TRRAP: variants seen among roughly 807,000 people sequenced by gnomAD.
The protein encoded by TRRAP is transformation/transcription domain associated protein.
In TRRAP, 41 loss-of-function variants were observed where a neutral mutation model predicts 438.8. The ratio of observed to expected loss-of-function variants is 0.09; its 90% CI spans 0.07 to 0.12. The LOEUF (loss-of-function observed/expected upper bound fraction) is 0.12. Among genes scored for constraint, TRRAP ranks in the 10% least tolerant of loss-of-function variants. The pLI, the probability that TRRAP is intolerant of heterozygous loss-of-function variation, is 1.00. For synonymous variants in TRRAP, 1,994 were observed against 1,962.9 expected, an observed-to-expected ratio of 1.02 and a Z score of -0.42; for missense variants, 3,122 against 5,055.1, an observed-to-expected ratio of 0.62 and a Z score of 11.60.
chr7:98,921,418 C>T (rs950585572), intron 20 of TRRAP, among the ~76,000 whole-genome samples: 2 of 152,054 alleles, frequency 1.3e-5, no homozygotes, highest in African/African-American at 2.4e-5. Context: ...CCTTGTCACC[C>T]GGGCTGGAGT....
intron 51 of TRRAP, among the ~76,000 whole-genome samples, chr7:98,969,691 C>T (rs1468900111): frequency 6.7e-6 from 1 of 148,826 alleles, no homozygotes; most frequent in Non-Finnish European, 1.5e-5. Flanking sequence ...CGGAGGGGCT[C>T]GCAACTCACA....
At position 98,895,954 on chromosome 7, in the gene TRRAP, A is replaced by G. The variant is rs7804376; in HGVS notation, c.507+134A>G. 1,699 of 593,974 alleles carry G rather than the reference A, an allele frequency of 2.9e-3. 14 individuals carry two copies. The highest frequency in any genetic ancestry group is 0.026 in the African/African-American group (1,378 of 52,128). 36.8% of individuals were successfully genotyped at this position (593,974 alleles called of 1,614,324 possible). A position where few individuals can be genotyped will look rare whatever the true frequency, so the allele number is the denominator to read the frequency against. ...ATTTTAGAATGGGGAATGTTTAGCA[A>G]TGGTTAAAAACTGGGTTGATAAGTC... On this transcript the variant is annotated intron_variant, in intron 7 of 72. Coordinates refer to ENST00000456197, the MANE Select transcript of TRRAP (RefSeq NM_001375524.1).
At chr7:98,946,202 T>C (rs1554416766) in intron 33 of TRRAP, among the ~76,000 whole-genome samples, 1 of 152,228 alleles carries the variant, frequency 6.6e-6, no homozygotes, top group African/African-American at 2.4e-5. Context: ...GTCTCAATTA[T>C]ATTCAAGATT....
Position 98,940,219 on chromosome 7 carries a change from C to T in TRRAP, c.4404+2399C>T, listed in dbSNP as rs181533565. ...TTTATTTGTTTATGAGACAGAGTCT[C>T]ACTCTGTCACCCAGACTGGAGTACA... On this transcript the variant is annotated intron_variant, in intron 30 of 72. Transcript: ENST00000456197. Among the ~76,000 whole-genome samples, 179 of 151,814 alleles carry T rather than the reference C, an allele frequency of 1.2e-3. 1 individual carries two copies. The highest frequency in any genetic ancestry group is 4.3e-4 in the Non-Finnish European group (29 of 67,948).
At chr7:98,881,792 T>C (rs543561338) in intron 2 of TRRAP, 183 bp from the exon 3 acceptor site, 3 of 582,548 alleles carry the variant, frequency 5.1e-6, no homozygotes, top group Non-Finnish European at 6.0e-6. Context: ...TGCACGTGTA[T>C]GTCTGGGAGT....
intron 23 of TRRAP, among the ~76,000 whole-genome samples, chr7:98,927,771 G>T (rs1435030096): frequency 1.3e-5 from 2 of 151,840 alleles, no homozygotes; most frequent in Admixed American, 1.3e-4. Context: ...CCCATGCCTC[G>T]CAGTCTCCCC....
chr7:98,943,626 T>G (rs1051306322), intron 31 of TRRAP, among the ~76,000 whole-genome samples: 3 of 152,242 alleles, frequency 2.0e-5, no homozygotes, highest in Non-Finnish European at 4.4e-5. Context: ...GCTAAATCTT[T>G]TAAAGTGTCT....
intron 44 of TRRAP, among the ~76,000 whole-genome samples, chr7:98,958,435 G>T (rs1040436190): frequency 7.9e-5 from 12 of 152,062 alleles, no homozygotes; most frequent in Non-Finnish European, 1.5e-5. Context: ...GAGTTGCTGG[G>T]ATTACAGGCG....
At position 98,910,353 on chromosome 7, in the gene TRRAP, G is replaced by A. The variant is rs1554408526; in HGVS notation, c.1648G>A (p.Val550Ile). 3.7e-6 allele frequency: 6 copies of A among 1,610,600 alleles called. No individual in the cohort carries two copies. The highest frequency in any genetic ancestry group is 5.1e-6 in the Non-Finnish European group (6 of 1,179,542). ...TFQVTDCRSL[V>I]KTLVCGVKTI... is the part of the protein sequence containing the mutation. Reference sequence around the variant, plus strand: ...CCAAGTCACAGACTGTCGAAGTTTGGTCAAAACCTTGGTGTGTGGTGTCAA... The same window carrying A: ...CCAAGTCACAGACTGTCGAAGTTTGATCAAAACCTTGGTGTGTGGTGTCAA... Residue 550 changes from valine (V) to isoleucine (I), a missense_variant, in exon 15 of 73, where the codon GTC (valine) becomes ATC (isoleucine). By Grantham distance (29) the Val-to-Ile change is conservative (BLOSUM62 3). This residue lies in a region of TRRAP where 115 missense variants were observed against 124.6 expected (regional missense o/e 0.92). Coordinates refer to ENST00000456197, the MANE Select transcript of TRRAP (RefSeq NM_001375524.1).
At chr7:98,977,360 C>A (rs1033340630) in intron 56 of TRRAP, among the ~76,000 whole-genome samples, 3 of 152,152 alleles carry the variant, frequency 2.0e-5, no homozygotes, top group African/African-American at 7.2e-5. Context: ...CGGGGTTTTG[C>A]CATGTTGGCC....
rs1757286011 is a variant in TRRAP, at chr7:98,912,137, A to G, written c.2123A>G (p.Asn708Ser). 1 of 1,614,136 alleles carries G rather than the reference A, an allele frequency of 6.2e-7. No individual in the cohort carries two copies. The highest frequency in any genetic ancestry group is 8.5e-7 in the Non-Finnish European group (1 of 1,180,034). Reference sequence around the variant, plus strand: ...ATGGGCTCCAACGTGGAGCTCTCCAACCTGTACCTCAAGCTGTTCAAGCTG... The same window carrying G: ...ATGGGCTCCAACGTGGAGCTCTCCAGCCTGTACCTCAAGCTGTTCAAGCTG... ...PEMGSNVELS[N>S]LYLKLFKLVF... The change falls in exon 18 of 73, where the codon AAC becomes AGC. Residue 708 changes from asparagine (N) to serine (S), a missense_variant. Physicochemically the swap from Asn to Ser is conservative, Grantham distance 46 (BLOSUM62 1). This residue lies in a region of TRRAP where 149 missense variants were observed against 302.8 expected (regional missense o/e 0.49). Transcript: ENST00000456197.
intron 13 of TRRAP, among the ~76,000 whole-genome samples, chr7:98,907,360 A>G (rs965665175): frequency 6.6e-6 from 1 of 152,110 alleles, no homozygotes. Flanking sequence ...TACTATTTCT[A>G]AAGCAGAAAA....
At chr7:98,930,570 C>G (rs1254427560) in intron 24 of TRRAP, 63 bp from the exon 25 acceptor site, 1 of 1,596,652 alleles carries the variant, frequency 6.3e-7, no homozygotes. Context: ...AAGAGCGAAA[C>G]TCTGTCTCAA....
chr7:98,880,005 C>T (rs1795345419), intron 1 of TRRAP, among the ~76,000 whole-genome samples: 1 of 152,168 alleles, frequency 6.6e-6, no homozygotes, highest in African/African-American at 2.4e-5. Flanking sequence ...TACTTTGTGA[C>T]ACCTGTTAAA....
rs1789811172 is a variant in TRRAP, at chr7:98,921,845, G to A, written c.2715G>A (p.Met905Ile). The A allele has an allele frequency of 6.2e-7, 1 of 1,614,238 alleles. No individual in the cohort carries two copies. The highest frequency in any genetic ancestry group is 8.5e-7 in the Non-Finnish European group (1 of 1,180,050). Reference protein sequence around the residue: ...LGKFGGSNRKMLKESQKLHYV... With the variant: ...LGKFGGSNRKILKESQKLHYV... The stretch of plus-strand genomic sequence containing the variant: ...AGTTTGGCGGCAGTAACAGGAAGAT[G>A]CTGAAGGAGTCGCAGAAGCTGCACT... The change falls in exon 21 of 73, where the codon ATG becomes ATA. Residue 905 changes from methionine to isoleucine, a missense_variant. This residue lies in a region of TRRAP where 133 missense variants were observed against 188.6 expected (regional missense o/e 0.71). Coordinates refer to ENST00000456197, the MANE Select transcript of TRRAP (RefSeq NM_001375524.1).
chr7:98,941,647 G>T (rs1313548935), intron 30 of TRRAP, among the ~76,000 whole-genome samples: 2 of 152,180 alleles, frequency 1.3e-5, no homozygotes, highest in Non-Finnish European at 2.9e-5. Context: ...CTGGTAAGGA[G>T]TAGGGTTCAT....
In TRRAP at chr7:98,962,518, G is replaced by A. The variant is rs113633349; in HGVS notation, c.6829+91G>A. 1.7e-3 allele frequency: 2,766 copies of A among 1,596,352 alleles called. 40 individuals are homozygous for A. In the African/African-American group the frequency reaches 0.029, roughly 17 times the overall value. On this transcript the variant is annotated intron_variant, in intron 47 of 72. Coordinates refer to ENST00000456197, the MANE Select transcript of TRRAP (RefSeq NM_001375524.1). ...GTGCTTCCCTTTGGGAAAGGGCTCCGGTTGTTGGGCAGAGCTTTGAGCCGC... is the reference window on the plus strand; with the variant it reads ...GTGCTTCCCTTTGGGAAAGGGCTCCAGTTGTTGGGCAGAGCTTTGAGCCGC...
chr7:98,918,120 C>CAAA (rs113483218), intron 20 of TRRAP, among the ~76,000 whole-genome samples: 2 of 116,278 alleles, frequency 1.7e-5, no homozygotes, highest in African/African-American at 2.8e-5. Context: ...GACCCTGTCT[C>CAAA]AAAAAAAAAA....
chr7:98,884,898 A>C (rs1795622646), intron 3 of TRRAP, among the ~76,000 whole-genome samples: 1 of 152,062 alleles, frequency 6.6e-6, no homozygotes, highest in African/African-American at 2.4e-5. Flanking sequence ...GAAAAAAGTT[A>C]TCTCGTATTT....
Sources: allele counts gnomAD v4.1 joint callset (sites outside exome capture counted in the v4.1 genomes callset), GRCh38; gene constraint gnomAD v4.1.1; regional missense constraint gnomAD v4.1.1; transcripts MANE v1.5; gene names NCBI Gene and HGNC (gene_info 2026-07-23, HGNC 2026-07-21).